Variants in DHPS observed in about 807,000 individuals in gnomAD.
DHPS encodes deoxyhypusine synthase, also known as migration-inducing gene 13.
In DHPS, 24 loss-of-function variants were observed where a neutral mutation model predicts 38.7. That is an observed-to-expected ratio of 0.62 (90% CI 0.45 to 0.87). The LOEUF (loss-of-function observed/expected upper bound fraction) is 0.87. Among genes scored for constraint, DHPS ranks in the 40% least tolerant of loss-of-function variants. The probability of loss-of-function intolerance (pLI) is 0.00; values close to 1 mark genes in which losing one functional copy is unlikely to be tolerated. For missense variants in DHPS, 510 were observed against 497.6 expected, an observed-to-expected ratio of 1.02 and a Z score of -0.24; for synonymous variants, 250 against 204.4, an observed-to-expected ratio of 1.22 and a Z score of -1.90.
At chr19:12,680,420 T>C in intron 1 of DHPS, 95 bp from the exon 2 acceptor site, 1 of 1,377,708 alleles carries the variant, frequency 7.3e-7, no homozygotes, top group Non-Finnish European at 1.0e-6. Context: ...CCCCAGGCCC[T>C]GCACATTCAG....
rs764915726 is a variant in DHPS, at chr19:12,677,271, C to G, written c.784+20G>C. The G allele has an allele frequency of 1.9e-6, 3 of 1,613,994 alleles. No homozygotes were observed. The highest frequency in any genetic ancestry group is 4.5e-5 in the East Asian group (2 of 44,880). The stretch of plus-strand genomic sequence containing the variant: ...CAGCCAGCCCTCCTTCCCCTCTCCT[C>G]TGTGGCCCTAGCGCCTCACCCTCAA... On this transcript the variant is annotated intron_variant, in intron 6 of 8. Coordinates refer to ENST00000210060, the MANE Select transcript of DHPS (RefSeq NM_001930.4).
rs761779124 is a variant in DHPS, at chr19:12,679,786, A to C, written c.494+15T>G. ...TGGTCCAGCTCCCCTGCCCAACACC[A>C]CTCAGGGTTCTCACCTATTGATCCC... is the stretch of plus-strand genomic sequence containing the variant. On this transcript the variant is annotated intron_variant, in intron 3 of 8. Transcript: ENST00000210060. The C allele has an allele frequency of 2.5e-6, 4 of 1,613,588 alleles. No individual in the cohort carries two copies. Among genetic ancestry groups the C allele is most frequent in the African/African-American group, 2.7e-5 (2 of 74,826 alleles).
rs2024622138 is a variant in DHPS, at chr19:12,677,111, G to T, written c.885C>A (p.Leu295=). 3 of 1,614,052 alleles carry T rather than the reference G, an allele frequency of 1.9e-6. No individual in the cohort carries two copies. The highest frequency in any genetic ancestry group is 2.5e-6 in the Non-Finnish European group (3 of 1,180,018). Residue 295 remains leucine (L), a synonymous_variant, in exon 7 of 9, where the codon CTC becomes CTA. Coordinates refer to ENST00000210060, the MANE Select transcript of DHPS (RefSeq NM_001930.4). ...CCGAAGCGCCACCCCCACTCACCAT[G>T]AGGTTGGCATTGGCAATGTGGTGCT... ...VVKHHIANAN[L]MRNGADYAVY...
intron 7 of DHPS, chr19:12,676,560 T>C (rs80286183): frequency 0.026 from 5,642 of 216,454 alleles, 338 homozygotes; most frequent in African/African-American, 0.12. Flanking sequence ...CCTCTCCCAC[T>C]TCTCTCAGTG....
downstream of DHPS, among the ~76,000 whole-genome samples, chr19:12,674,885 G>C (rs1005723705): frequency 1.3e-5 from 2 of 152,016 alleles, no homozygotes; most frequent in Non-Finnish European, 2.9e-5. Flanking sequence ...GGAGGCCGAG[G>C]GGGGTGGATC....
intron 7 of DHPS, 119 bp downstream of exon 7, chr19:12,676,989 C>T (rs1053404353): frequency 2.3e-6 from 2 of 884,726 alleles, no homozygotes; most frequent in Non-Finnish European, 1.8e-6. Flanking sequence ...CCTACTAGAA[C>T]ATCAGTCCCG....
At chr19:12,676,306 C>T (rs2024586177) in intron 7 of DHPS, 164 bp from the exon 8 acceptor site, 2 of 902,018 alleles carry the variant, frequency 2.2e-6, no homozygotes, top group South Asian at 1.8e-5. Flanking sequence ...TCTGGGGTCA[C>T]TAGAGCTGCT....
chr19:12,673,360 A>C, downstream of DHPS: 1 of 1,428,240 alleles, frequency 7.0e-7, no homozygotes, highest in Non-Finnish European at 9.7e-7. Context: ...TGCCTGCCCC[A>C]TCTCAGCCCT....
downstream of DHPS, chr19:12,675,482 G>T: frequency 6.3e-7 from 1 of 1,592,156 alleles, no homozygotes; most frequent in Non-Finnish European, 8.5e-7. Flanking sequence ...CCAGGGTACA[G>T]CCCAGCCACA....
intron 1 of DHPS, chr19:12,681,083 C>T (rs1305518445): frequency 2.4e-6 from 3 of 1,240,694 alleles, no homozygotes; most frequent in Admixed American, 2.5e-5. Context: ...CCACCCGCCT[C>T]GGCTTCCCAA....
In DHPS at chr19:12,677,387, G is replaced by T. The variant is rs1012142857; in HGVS notation, c.688C>A (p.Pro230Thr). 1 of 1,613,822 alleles carries T rather than the reference G, an allele frequency of 6.2e-7. No homozygotes were observed. Among genetic ancestry groups the T allele is most frequent in the Admixed American group, 1.7e-5 (1 of 59,960 alleles). ...VYYWAQKNHI[P>T]VFSPALTDGS... Reference sequence around the variant, plus strand: ...TCTGTAAGTGCGGGACTAAACACAGGGATGTGGTTCTGCAGAGAACATGAC... The same window carrying T: ...TCTGTAAGTGCGGGACTAAACACAGTGATGTGGTTCTGCAGAGAACATGAC... The change falls in exon 6 of 9, where the codon CCT becomes ACT. Residue 230 changes from proline to threonine, a missense_variant. Physicochemically the swap from Pro to Thr is conservative, Grantham distance 38 (BLOSUM62 -1). Coordinates refer to ENST00000210060, the MANE Select transcript of DHPS (RefSeq NM_001930.4).
intron 1 of DHPS, chr19:12,681,287 A>C: frequency 7.8e-7 from 1 of 1,287,346 alleles, no homozygotes; most frequent in Non-Finnish European, 1.0e-6. Context: ...CGCCCATTCC[A>C]GAAAGCTTTA....
At chr19:12,678,072 G>A (rs572345139) in intron 5 of DHPS, among the ~76,000 whole-genome samples, 33 of 151,512 alleles carry the variant, frequency 2.2e-4, no homozygotes, top group Non-Finnish European at 4.4e-4. Context: ...GACCAACATG[G>A]AGAAACCCTG....
In DHPS at chr19:12,679,859, T is replaced by G. The variant is rs768918079; in HGVS notation, c.436A>C (p.Thr146Pro). The G allele has an allele frequency of 1.2e-6, 2 of 1,614,142 alleles. No individual in the cohort carries two copies. ...CTGAGGCTAAACTCGCCCAAGTATG[T>G]GGGCGCCAGGCACTTGATGAGGTCT... ...EEDLIKCLAP[T>P]YLGEFSLRGK... The change falls in exon 3 of 9, where the codon ACA (threonine) becomes CCA (proline). Residue 146 changes from threonine to proline, a missense_variant. Coordinates refer to ENST00000210060, the MANE Select transcript of DHPS (RefSeq NM_001930.4).
At chr19:12,681,189 G>A (rs962487218) in intron 1 of DHPS, 7 of 1,226,438 alleles carry the variant, frequency 5.7e-6, no homozygotes, top group Non-Finnish European at 7.2e-6. Context: ...TCCCTTCCCC[G>A]CTGGGAAAAG....
chr19:12,679,208 G>A (rs1472740021), intron 5 of DHPS, among the ~76,000 whole-genome samples: 2 of 151,938 alleles, frequency 1.3e-5, no homozygotes, highest in Non-Finnish European at 2.9e-5. Context: ...TGAGGTGGGA[G>A]GACTGCTTGG....
At chr19:12,681,059 C>T (rs1484763213) in intron 1 of DHPS, 6 of 1,121,518 alleles carry the variant, frequency 5.3e-6, no homozygotes, top group South Asian at 1.3e-5. Context: ...GTCTCGAACT[C>T]CTCTTCTCTT....
At chr19:12,672,957 G>A, downstream of DHPS, 1 of 1,594,964 alleles carries the variant, frequency 6.3e-7, no homozygotes, top group South Asian at 1.1e-5. Context: ...GAAGATGGGG[G>A]GCCAACCAGG....
chr19:12,677,833 G>C (rs2024669951), intron 5 of DHPS, among the ~76,000 whole-genome samples: 1 of 151,882 alleles, frequency 6.6e-6, no homozygotes, highest in South Asian at 2.1e-4. Flanking sequence ...GTAGAGACAG[G>C]GTTCCACCAT....
Sources: allele counts gnomAD v4.1 joint callset (sites outside exome capture counted in the v4.1 genomes callset), GRCh38; gene constraint gnomAD v4.1.1; transcripts MANE v1.5; gene names NCBI Gene and HGNC (gene_info 2026-07-23, HGNC 2026-07-21).